SLC35F4: variants seen among roughly 807,000 people sequenced by gnomAD.
The protein encoded by SLC35F4 is solute carrier family 35 member F4.
SLC35F4 carries 24 observed loss-of-function variants against 44.2 expected under a neutral mutation model. That is an observed-to-expected ratio of 0.54 (90% confidence interval 0.39 to 0.76). The LOEUF (loss-of-function observed/expected upper bound fraction) is 0.76. Among genes scored for constraint, SLC35F4 ranks in the 30% least tolerant of loss-of-function variants. The pLI, the probability that SLC35F4 is intolerant of heterozygous loss-of-function variation, is 0.00. For missense variants in SLC35F4, 562 were observed against 586.1 expected, an observed-to-expected ratio of 0.96 and a Z score of 0.42; for synonymous variants, 238 against 223.6, an observed-to-expected ratio of 1.06 and a Z score of -0.57.
At chr14:57,720,691 G>A (rs2076061951) in intron 1 of SLC35F4, among the ~76,000 whole-genome samples, 3 of 152,032 alleles carry the variant, frequency 2.0e-5, no homozygotes, top group African/African-American at 4.8e-5. Flanking sequence ...CAAAGGAGAT[G>A]AGCATTTGAG....
At chr14:57,974,198 C>T (rs1163842711), downstream of SLC35F4, among the ~76,000 whole-genome samples, 1 of 152,054 alleles carries the variant, frequency 6.6e-6, no homozygotes, top group South Asian at 2.1e-4. Context: ...GGTAGGGTTG[C>T]GTGGAAGACT....
chr14:57,675,064 A>T (rs2074645766), intron 1 of SLC35F4, among the ~76,000 whole-genome samples: 1 of 152,096 alleles, frequency 6.6e-6, no homozygotes, highest in Non-Finnish European at 1.5e-5. Context: ...CCACTTACAT[A>T]AAATTCTAGA....
At chr14:57,812,449 G>C (rs1016037904) in intron 1 of SLC35F4, among the ~76,000 whole-genome samples, 1 of 152,172 alleles carries the variant, frequency 6.6e-6, no homozygotes, top group Admixed American at 6.5e-5. Context: ...GGCTTAGGGA[G>C]ATATTTCACT....
chr14:57,584,200 C>A (rs1015005095), intron 3 of SLC35F4, among the ~76,000 whole-genome samples: 1 of 152,026 alleles, frequency 6.6e-6, no homozygotes, highest in African/African-American at 2.4e-5. Context: ...TCACTTGAGG[C>A]AATTGAATTC....
chr14:57,950,675 C>CTTTCTTTTT lies in SLC35F4; in HGVS notation n.282+31237_282+31238insAAAAAGAAA, dbSNP rs573848996. ...GACTCTTTGTTTCTTTTCTTTCTTT[C>CTTTCTTTTT]TTTTTTTTTTTTGAGACAGAGTCTT... On this transcript the variant is annotated intron_variant and non_coding_transcript_variant, in intron 1 of 1. Coordinates refer to the SLC35F4 transcript ENST00000556568. Among the ~76,000 whole-genome samples the CTTTCTTTTT allele has an allele frequency of 3.6e-3, 457 of 127,152 alleles. 6 individuals carry two copies. The highest frequency in any genetic ancestry group is 0.013 in the African/African-American group (392 of 31,316). 83.4% of individuals were successfully genotyped at this position (127,152 alleles called of 152,430 possible).
rs550048047 is a variant in SLC35F4 at position 57,584,034 on chromosome 14, C to T, written c.588-2601G>A. On this transcript the variant is annotated intron_variant, in intron 3 of 7. Transcript: ENST00000556826. ...TGAACCCTGTCTATATGTTAAATAG[C>T]ATCTTAAGCATATTTTATAGTAAGC... 2.0e-5 allele frequency among the ~76,000 whole-genome samples: 3 copies of T among 151,026 alleles called. No individual in the cohort carries two copies. The East Asian group carries it at 5.9e-4, about 30-fold the overall frequency.
At position 57,905,825 on chromosome 14, in the gene SLC35F4, G is replaced by A. The variant is rs572527919; in HGVS notation, n.282+76088C>T. Reference sequence around the variant, plus strand: ...AGACAGTGGAGAGCAGATCAGAGAGGATGTGCCAGCTACAGGAGACAGGAG... The same window carrying A: ...AGACAGTGGAGAGCAGATCAGAGAGAATGTGCCAGCTACAGGAGACAGGAG... On this transcript the variant is annotated intron_variant and non_coding_transcript_variant, in intron 1 of 1. Transcript: ENST00000556568. Among the ~76,000 whole-genome samples the A allele has an allele frequency of 6.6e-5, 10 of 152,306 alleles. No homozygotes were observed. In the South Asian group the frequency reaches 1.2e-3, roughly 19 times the overall value.
rs866959772 is a variant in SLC35F4, at chr14:57,807,442, C to T, written c.103+58281G>A. 1.1e-4 allele frequency among the ~76,000 whole-genome samples: 16 copies of T among 151,934 alleles called. 1 individual carries two copies. Among genetic ancestry groups the T allele is most frequent in the African/African-American group, 3.9e-4 (16 of 41,200 alleles). On this transcript the variant is annotated intron_variant, in intron 1 of 7. Coordinates refer to ENST00000556826, the MANE Select transcript of SLC35F4 (RefSeq NM_001306087.2). ...CAAGCAGGAAACAGGCAATTTTTGG[C>T]CCCATCTTTATGCTGTTTTACATCT...
At chr14:57,940,384 A>C (rs1486256779) in intron 1 of SLC35F4, among the ~76,000 whole-genome samples, 1 of 152,156 alleles carries the variant, frequency 6.6e-6, no homozygotes, top group Non-Finnish European at 1.5e-5. Context: ...AAAATAGTTC[A>C]TTCTGTACAC....
chr14:57,977,267 G>T (rs1427321701), intron 1 of SLC35F4, among the ~76,000 whole-genome samples: 2 of 152,168 alleles, frequency 1.3e-5, no homozygotes, highest in Non-Finnish European at 2.9e-5. Flanking sequence ...CAGAAAAAGA[G>T]GACTGCAGCA....
At chr14:57,689,849 C>T (rs1467412167) in intron 1 of SLC35F4, among the ~76,000 whole-genome samples, 1 of 151,828 alleles carries the variant, frequency 6.6e-6, no homozygotes, top group African/African-American at 2.4e-5. Context: ...AACAAACCTG[C>T]ACGTTGTGCA....
At chr14:57,653,502 A>C (rs1191181817) in intron 1 of SLC35F4, among the ~76,000 whole-genome samples, 1 of 152,206 alleles carries the variant, frequency 6.6e-6, no homozygotes, top group Non-Finnish European at 1.5e-5. Context: ...CCCAGGGGCC[A>C]CTACCCAAGC....
At chr14:57,577,330 G>A (rs1418327140) in intron 4 of SLC35F4, among the ~76,000 whole-genome samples, 2 of 152,086 alleles carry the variant, frequency 1.3e-5, no homozygotes, top group Admixed American at 6.6e-5. Flanking sequence ...AACAGCTATA[G>A]TTTGGGAAGC....
At chr14:57,573,598 C>T (rs777841248) in intron 4 of SLC35F4, among the ~76,000 whole-genome samples, 1 of 152,046 alleles carries the variant, frequency 6.6e-6, no homozygotes, top group East Asian at 1.9e-4. Context: ...GGTCTAGACT[C>T]ATCAATACAC....
At chr14:57,651,320 T>C (rs2073774329) in intron 1 of SLC35F4, among the ~76,000 whole-genome samples, 1 of 152,162 alleles carries the variant, frequency 6.6e-6, no homozygotes, top group African/African-American at 2.4e-5. Context: ...TACTGGAGTT[T>C]CCAGTGAGGT....
intron 1 of SLC35F4, among the ~76,000 whole-genome samples, chr14:57,855,662 CAT>C (rs1887016765): frequency 6.6e-6 from 1 of 152,128 alleles, no homozygotes; most frequent in Admixed American, 6.5e-5. Context: ...CTAGAAATAC[CAT>C]TTGACCTAGG....
intron 4 of SLC35F4, among the ~76,000 whole-genome samples, chr14:57,575,967 C>T (rs571094135): frequency 6.6e-6 from 1 of 152,004 alleles, no homozygotes; most frequent in Admixed American, 6.6e-5. Flanking sequence ...TGGCTTTTGG[C>T]CGTTTTTGTT....
intron 1 of SLC35F4, among the ~76,000 whole-genome samples, chr14:57,615,008 A>G (rs2071726861): frequency 6.6e-6 from 1 of 152,230 alleles, no homozygotes; most frequent in Non-Finnish European, 1.5e-5. Flanking sequence ...TCATCCATCA[A>G]ATAAGAAAGT....
At chr14:57,575,366 G>A (rs569721889) in intron 4 of SLC35F4, among the ~76,000 whole-genome samples, 13 of 152,154 alleles carry the variant, frequency 8.5e-5, no homozygotes, top group South Asian at 2.1e-4. Flanking sequence ...CTGTAATACC[G>A]GCTACTCGGG....
Sources: gnomAD v4.1 joint callset for allele counts (sites outside exome capture counted in the v4.1 genomes callset) on GRCh38, gnomAD v4.1.1 for gene constraint, MANE v1.5 for transcripts, NCBI Gene and HGNC (gene_info 2026-07-23, HGNC 2026-07-21) for gene names.